The following ADK variants were observed in gnomAD, a reference collection of about 807,000 sequenced individuals.
ADK encodes N6,N6-dimethyladenosine kinase.
A neutral mutation model predicts 44.7 loss-of-function variants in ADK; 24 were observed. That is an observed-to-expected ratio of 0.54 (90% CI 0.39 to 0.76). ADK has a LOEUF of 0.76. Ranked by LOEUF, ADK falls within the 30% of genes least tolerant of loss-of-function variation. ADK has a pLI of 0.00. For missense variants in ADK, 321 were observed against 425.1 expected (o/e 0.76, Z 2.15); for synonymous variants, 128 against 142.6 (o/e 0.90, Z 0.73).
At chr10:74,629,042 T>C (rs976349530) in intron 9 of ADK, among the ~76,000 whole-genome samples, 6 of 147,698 alleles carry the variant, frequency 4.1e-5, no homozygotes, top group African/African-American at 1.5e-4. Flanking sequence ...CACCCTACTC[T>C]TTTTTTTTTA....
chr10:74,292,126 C>T (rs888575926), intron 3 of ADK, among the ~76,000 whole-genome samples: 16 of 152,122 alleles, frequency 1.1e-4, no homozygotes, highest in African/African-American at 3.6e-4. Context: ...TGCCTACCTA[C>T]CTACTTACCT....
intron 7 of ADK, among the ~76,000 whole-genome samples, chr10:74,533,238 A>G (rs754701130): frequency 1.4e-4 from 21 of 152,228 alleles, no homozygotes; most frequent in South Asian, 4.1e-4. Flanking sequence ...AATAATCTAT[A>G]GTTTAGTGTA....
chr10:74,239,143 G>C (rs530536368), intron 3 of ADK, among the ~76,000 whole-genome samples: 1 of 151,416 alleles, frequency 6.6e-6, no homozygotes, highest in Non-Finnish European at 1.5e-5. Context: ...ATATAATATT[G>C]TTTCTTTTTT....
intron 4 of ADK, among the ~76,000 whole-genome samples, chr10:74,322,938 A>T (rs1840867979): frequency 6.6e-6 from 1 of 151,872 alleles, no homozygotes; most frequent in Non-Finnish European, 1.5e-5. Flanking sequence ...CTGTCTTAGC[A>T]GTTATGGTTG....
intron 6 of ADK, among the ~76,000 whole-genome samples, chr10:74,491,449 C>T (rs1282186261): frequency 1.3e-5 from 2 of 151,934 alleles, no homozygotes; most frequent in African/African-American, 2.4e-5. Context: ...GTAGCAAAAG[C>T]GATGTAATGA....
chr10:74,246,121 G>C (rs918460774), intron 3 of ADK, among the ~76,000 whole-genome samples: 7 of 151,884 alleles, frequency 4.6e-5, no homozygotes, highest in African/African-American at 9.7e-5. Context: ...CTTGTGGGAG[G>C]GGGGGGTCAG....
At chr10:74,322,751 C>T (rs1323291378) in intron 4 of ADK, among the ~76,000 whole-genome samples, 3 of 151,474 alleles carry the variant, frequency 2.0e-5, no homozygotes, top group African/African-American at 7.3e-5. Flanking sequence ...TCTCTTCTTC[C>T]CTTTACCCCT....
At chr10:74,453,190 G>A (rs1371432634) in intron 6 of ADK, among the ~76,000 whole-genome samples, 1 of 151,970 alleles carries the variant, frequency 6.6e-6, no homozygotes, top group Non-Finnish European at 1.5e-5. Flanking sequence ...CCATCCAGAT[G>A]TTTTATTGAA....
chr10:74,154,828 C>T (rs1271574363), intron 1 of ADK, among the ~76,000 whole-genome samples: 1 of 152,162 alleles, frequency 6.6e-6, no homozygotes, highest in African/African-American at 2.4e-5. Context: ...TAGACTTTAT[C>T]TTTTGCTTAG....
chr10:74,289,771 T>A (rs575412687), intron 3 of ADK, among the ~76,000 whole-genome samples: 2 of 151,842 alleles, frequency 1.3e-5, no homozygotes, highest in Non-Finnish European at 2.9e-5. Flanking sequence ...TCTGAAGAGT[T>A]GGCTCTGACG....
chr10:74,429,843 A>G (rs978422888), intron 6 of ADK, among the ~76,000 whole-genome samples: 1 of 152,226 alleles, frequency 6.6e-6, no homozygotes, highest in Non-Finnish European at 1.5e-5. Flanking sequence ...TGTACCAGAT[A>G]GTGTTATACT....
chr10:74,669,504 G>T (rs1855093328), intron 9 of ADK, among the ~76,000 whole-genome samples: 1 of 152,184 alleles, frequency 6.6e-6, no homozygotes. Context: ...GACTACTCTA[G>T]GGCAAAATCC....
chr10:74,418,614 A>T (rs1267667543), intron 6 of ADK, among the ~76,000 whole-genome samples: 3 of 152,116 alleles, frequency 2.0e-5, no homozygotes, highest in Non-Finnish European at 4.4e-5. Flanking sequence ...AGAAATCCGC[A>T]CTCATTAAAT....
intron 1 of ADK, among the ~76,000 whole-genome samples, chr10:74,157,797 C>G (rs1841793454): frequency 6.6e-6 from 1 of 151,558 alleles, no homozygotes; most frequent in South Asian, 2.1e-4. Flanking sequence ...GAGGCTGAGG[C>G]AGGAGAATCT....
At chr10:74,602,649 G>A (rs981131320) in intron 9 of ADK, among the ~76,000 whole-genome samples, 15 of 152,152 alleles carry the variant, frequency 9.9e-5, no homozygotes, top group Admixed American at 6.5e-4. Flanking sequence ...AATCTTTGCT[G>A]TTCCTACCAT....
At chr10:74,514,971 C>A (rs1848505329) in intron 6 of ADK, among the ~76,000 whole-genome samples, 1 of 152,094 alleles carries the variant, frequency 6.6e-6, no homozygotes, top group Non-Finnish European at 1.5e-5. Context: ...ACTACAGACA[C>A]TCACCAATAT....
intron 6 of ADK, among the ~76,000 whole-genome samples, chr10:74,437,648 T>C (rs904190515): frequency 6.6e-6 from 1 of 152,188 alleles, no homozygotes; most frequent in African/African-American, 2.4e-5. Context: ...TATAGTCTCC[T>C]GACTGATCTC....
chr10:74,544,373 G>T (rs550598410), intron 7 of ADK, among the ~76,000 whole-genome samples: 89 of 152,206 alleles, frequency 5.8e-4, no homozygotes, highest in African/African-American at 2.0e-3. Flanking sequence ...AAATTCTGAG[G>T]GTTTTTGAAG....
chr10:74,189,445 A>G (rs1319068168), intron 1 of ADK, among the ~76,000 whole-genome samples: 1 of 152,146 alleles, frequency 6.6e-6, no homozygotes, highest in Non-Finnish European at 1.5e-5. Flanking sequence ...CTGTGTCTCT[A>G]ATTCCGCTCT....
Sources: allele counts gnomAD v4.1 joint callset (sites outside exome capture counted in the v4.1 genomes callset), GRCh38; gene constraint gnomAD v4.1.1; transcripts MANE v1.5; gene names NCBI Gene and HGNC (gene_info 2026-07-23, HGNC 2026-07-21).